WIPI2: variants seen among roughly 807,000 people sequenced by gnomAD.
The protein encoded by WIPI2 is WD repeat domain phosphoinositide-interacting protein 2.
In WIPI2, 28 loss-of-function variants were observed where a neutral mutation model predicts 52.3. The ratio of observed to expected loss-of-function variants is 0.54; its 90% confidence interval spans 0.40 to 0.73. The LOEUF is 0.73. Among genes scored for constraint, WIPI2 ranks in the 30% least tolerant of loss-of-function variants. The pLI, the probability that WIPI2 is intolerant of heterozygous loss-of-function variation, is 0.00. For synonymous variants in WIPI2, 268 were observed against 245.0 expected (o/e 1.09, Z -0.88); for missense variants, 506 against 602.9 (o/e 0.84, Z 1.68).
intron 3 of WIPI2, among the ~76,000 whole-genome samples, chr7:5,211,882 A>G (rs1389196273): frequency 6.6e-6 from 1 of 152,170 alleles, no homozygotes; most frequent in African/African-American, 2.4e-5. Flanking sequence ...CGTGGCACCC[A>G]GTACTCACCA....
At chr7:5,199,761 C>A in intron 3 of WIPI2, 103 bp downstream of exon 3, 2 of 1,148,204 alleles carry the variant, frequency 1.7e-6, no homozygotes, top group Non-Finnish European at 2.5e-6. Context: ...GAAGTCCAGA[C>A]ACCCTCTTAC....
rs1781409838 is a variant in WIPI2, at chr7:5,190,318, A to G, written c.-102A>G. 1.4e-6 allele frequency: 1 copy of G among 736,910 alleles called. No individual in the cohort carries two copies. The highest frequency in any genetic ancestry group is 1.8e-6 in the Non-Finnish European group (1 of 547,412). The allele number at this position is 736,910 out of a possible 1,614,324, so 45.6% of individuals were successfully genotyped here. ...GATCCCAGGGTGGCGAGTGGCGGCG[A>G]CCGAGGCGGCGAGCGGGGCCCGGCG... On this transcript the variant is annotated 5_prime_UTR_variant, in exon 1 of 13. Coordinates refer to ENST00000288828, the MANE Select transcript of WIPI2 (RefSeq NM_015610.4).
At chr7:5,220,941 G>A (rs559301024) in intron 7 of WIPI2, among the ~76,000 whole-genome samples, 5 of 149,592 alleles carry the variant, frequency 3.3e-5, no homozygotes, top group African/African-American at 9.8e-5. Flanking sequence ...CTACAGGTGC[G>A]TGCCACCACA....
chr7:5,225,734 G>A (rs1024279448), intron 8 of WIPI2, 89 bp from the exon 9 acceptor site: 25 of 877,884 alleles, frequency 2.8e-5, no homozygotes, highest in Middle Eastern at 2.6e-4. Context: ...AAGTGTGCCC[G>A]TGACAGGAAC....
chr7:5,191,071 G>C (rs558792263), intron 1 of WIPI2, among the ~76,000 whole-genome samples: 1 of 152,110 alleles, frequency 6.6e-6, no homozygotes, highest in Non-Finnish European at 1.5e-5. Flanking sequence ...CCAGGCTGGA[G>C]TGCAGTGGTG....
chr7:5,210,403 G>T (rs904701274), intron 3 of WIPI2, among the ~76,000 whole-genome samples: 1 of 152,188 alleles, frequency 6.6e-6, no homozygotes, highest in Non-Finnish European at 1.5e-5. Context: ...TTACCTGCTT[G>T]CTGTTCTTCA....
intron 3 of WIPI2, among the ~76,000 whole-genome samples, chr7:5,201,006 C>A (rs752513190): frequency 6.6e-6 from 1 of 152,242 alleles, no homozygotes; most frequent in Non-Finnish European, 1.5e-5. Context: ...AAAAGCCTTT[C>A]TTCTGCCACG....
chr7:5,221,658 G>T (rs1342306748), intron 7 of WIPI2, among the ~76,000 whole-genome samples: 2 of 152,182 alleles, frequency 1.3e-5, no homozygotes, highest in African/African-American at 4.8e-5. Context: ...ATCATCCACA[G>T]ATCTGATATT....
Position 5,216,524 on chromosome 7 carries a change from C to T in WIPI2, c.382-39C>T, listed in dbSNP as rs772499420. ...AGATTGGGGCAGGTATTGCACTGGCCGTTGCTTCACGTTTGGTTTCGTTTT... is the reference window on the plus strand; with the variant it reads ...AGATTGGGGCAGGTATTGCACTGGCTGTTGCTTCACGTTTGGTTTCGTTTT... On this transcript the variant is annotated intron_variant, in intron 4 of 12. Coordinates refer to ENST00000288828, the MANE Select transcript of WIPI2 (RefSeq NM_015610.4). The T allele has an allele frequency of 8.3e-6, 13 of 1,567,642 alleles. 1 individual carries two copies. Among genetic ancestry groups the T allele is most frequent in the South Asian group, 7.8e-5 (7 of 89,774 alleles).
chr7:5,203,132 C>A (rs1782112451), intron 3 of WIPI2, among the ~76,000 whole-genome samples: 1 of 152,170 alleles, frequency 6.6e-6, no homozygotes, highest in Admixed American at 6.5e-5. Flanking sequence ...GGCCAAGAAA[C>A]TAATCATTTA....
chr7:5,198,180 C>A (rs1781843925), intron 2 of WIPI2, among the ~76,000 whole-genome samples: 1 of 152,196 alleles, frequency 6.6e-6, no homozygotes, highest in Non-Finnish European at 1.5e-5. Flanking sequence ...CGTTTCGTTT[C>A]CAGCCCACTG....
At chr7:5,223,995 G>T (rs1016900228) in intron 8 of WIPI2, among the ~76,000 whole-genome samples, 4 of 152,216 alleles carry the variant, frequency 2.6e-5, no homozygotes, top group Non-Finnish European at 5.9e-5. Flanking sequence ...CTCTCACCCA[G>T]GCTGTTTGAA....
At position 5,227,781 on chromosome 7, in the gene WIPI2, G is replaced by A. The variant is rs1391853863; in HGVS notation, c.1014-323G>A. 1.3e-5 allele frequency among the ~76,000 whole-genome samples: 2 copies of A among 152,154 alleles called. No homozygotes were observed. The highest frequency in any genetic ancestry group is 2.9e-5 in the Non-Finnish European group (2 of 68,028). On this transcript the variant is annotated intron_variant, in intron 10 of 12. Coordinates refer to ENST00000288828, the MANE Select transcript of WIPI2 (RefSeq NM_015610.4). This position sits in a 1 kb window ranked among gnomAD's most constrained non-coding sequence, Gnocchi z 8.1. ...AGTGATGGCAGGGCTTTGGGCTTCC[G>A]TGCGTCTTTAAACATCATTTTCCAG...
rs370427283 is a variant in WIPI2, at chr7:5,221,419, T to C, written c.670-1183T>C. Among the ~76,000 whole-genome samples, 6 of 152,332 alleles carry C rather than the reference T, an allele frequency of 3.9e-5. No individual in the cohort carries two copies. The East Asian group carries it at 1.2e-3, about 29-fold the overall frequency. ...TTTATATTTAACAGTTTGAACCTCC[T>C]AAAATTTGTATAGTAGGAGGGTGAA... On this transcript the variant is annotated intron_variant, in intron 7 of 12. Coordinates refer to ENST00000288828, the MANE Select transcript of WIPI2 (RefSeq NM_015610.4).
At chr7:5,222,567 A>G (rs1783194670) in intron 7 of WIPI2, 35 bp from the exon 8 acceptor site, 1 of 1,599,006 alleles carries the variant, frequency 6.3e-7, no homozygotes, top group Non-Finnish European at 8.6e-7. Flanking sequence ...GTTTTAACTC[A>G]GCTCAAATTC....
In WIPI2 at chr7:5,214,441, C is replaced by G. The variant is rs756827191; in HGVS notation, c.212-94C>G. ...ACCCTCAGCGCTGTGCCCTGCGTGT[C>G]GCCCAGGCAGGTGTTTGTTTTTGAG... On this transcript the variant is annotated intron_variant, in intron 3 of 12. Transcript: ENST00000288828. 5 of 1,612,634 alleles carry G rather than the reference C, an allele frequency of 3.1e-6. 1 individual carries two copies. Among genetic ancestry groups the G allele is most frequent in the Non-Finnish European group, 4.2e-6 (5 of 1,179,928 alleles).
At chr7:5,222,838 T>C in intron 8 of WIPI2, 166 bp downstream of exon 8, 1 of 651,038 alleles carries the variant, frequency 1.5e-6, no homozygotes, top group Non-Finnish European at 2.7e-6. Context: ...GTCATGGGAA[T>C]TGAAGAGCAC....
chr7:5,200,868 A>C (rs952353429), intron 3 of WIPI2, among the ~76,000 whole-genome samples: 2 of 152,272 alleles, frequency 1.3e-5, no homozygotes, highest in East Asian at 3.9e-4. Flanking sequence ...GGCCCTTTGC[A>C]GGGAGAGAGT....
At position 5,216,321 on chromosome 7, in the gene WIPI2, A is replaced by G. The variant is rs539101191; in HGVS notation, c.382-242A>G. The G allele has an allele frequency of 6.8e-5, 22 of 323,834 alleles. No homozygotes were observed. In the South Asian group the frequency reaches 9.5e-4, roughly 14 times the overall value. 20.1% of individuals were successfully genotyped at this position (323,834 alleles called of 1,614,324 possible). On this transcript the variant is annotated intron_variant, in intron 4 of 12. Coordinates refer to ENST00000288828, the MANE Select transcript of WIPI2 (RefSeq NM_015610.4). ...GTGGCAGTCACCTGTAATTCCAGCTACTTGGGAGGCTGAGGCAGGAAAATC... is the reference window on the plus strand; with the variant it reads ...GTGGCAGTCACCTGTAATTCCAGCTGCTTGGGAGGCTGAGGCAGGAAAATC...
Sources: gnomAD v4.1 joint callset for allele counts (sites outside exome capture counted in the v4.1 genomes callset) on GRCh38, gnomAD v4.1.1 for gene constraint, Gnocchi (gnomAD v3.1) non-coding constraint, MANE v1.5 for transcripts, NCBI Gene and HGNC (gene_info 2026-07-23, HGNC 2026-07-21) for gene names.